The following SMCHD1 variants were observed in gnomAD, a reference collection of about 807,000 sequenced individuals.
SMCHD1 encodes structural maintenance of chromosomes flexible hinge domain containing 1, also known as structural maintenance of chromosomes flexible hinge domain-containing protein 1.
Under a neutral mutation model 254.7 loss-of-function variants are expected in SMCHD1, and 78 were observed. The ratio of observed to expected loss-of-function variants is 0.31; its 90% CI spans 0.26 to 0.37. The LOEUF (loss-of-function observed/expected upper bound fraction) is 0.37, where lower values mean the gene tolerates loss of function less well. SMCHD1 is among the 10% of genes least tolerant of loss of function. The probability of loss-of-function intolerance (pLI) is 1.00; values close to 1 mark genes in which losing one functional copy is unlikely to be tolerated. For missense variants in SMCHD1, 1,840 were observed against 2,408.1 expected, an observed-to-expected ratio of 0.76 and a Z score of 4.94; for synonymous variants, 766 against 794.9, an observed-to-expected ratio of 0.96 and a Z score of 0.61.
intron 39 of SMCHD1, among the ~76,000 whole-genome samples, chr18:2,770,570 C>G (rs957071571): frequency 1.3e-5 from 2 of 152,044 alleles, no homozygotes; most frequent in Middle Eastern, 3.4e-3. Flanking sequence ...GTAAATTATT[C>G]TTGAGTCAAT....
At chr18:2,776,349 G>T (rs1344695747) in intron 42 of SMCHD1, among the ~76,000 whole-genome samples, 1 of 151,948 alleles carries the variant, frequency 6.6e-6, no homozygotes, top group Non-Finnish European at 1.5e-5. Context: ...AGCTTCCCAA[G>T]TAGCTGGGAC....
intron 13 of SMCHD1, among the ~76,000 whole-genome samples, chr18:2,705,368 A>C (rs2074489859): frequency 6.6e-6 from 1 of 152,172 alleles, no homozygotes; most frequent in Non-Finnish European, 1.5e-5. Context: ...TGAGAGCAGA[A>C]TTTTATGGGG....
intron 12 of SMCHD1, among the ~76,000 whole-genome samples, chr18:2,701,443 G>A (rs1598336726): frequency 6.6e-6 from 1 of 152,186 alleles, no homozygotes; most frequent in Non-Finnish European, 1.5e-5. Context: ...TTACAGGCAT[G>A]AGCCATCGCA....
chr18:2,788,894 GC>G (rs553591398), intron 45 of SMCHD1, among the ~76,000 whole-genome samples: 2 of 152,236 alleles, frequency 1.3e-5, no homozygotes, highest in African/African-American at 4.8e-5. Flanking sequence ...ACCTCCCCTG[GC>G]CAAATTAATA....
At chr18:2,799,414 T>C (rs2076320230) in intron 47 of SMCHD1, among the ~76,000 whole-genome samples, 2 of 152,190 alleles carry the variant, frequency 1.3e-5, no homozygotes, top group African/African-American at 4.8e-5. Context: ...CGTAAAATCT[T>C]GTATCCTATG....
rs1477511065 is a variant in SMCHD1, at chr18:2,666,298, T to C, written c.262+66T>C. On this transcript the variant is annotated intron_variant, in intron 2 of 47. Coordinates refer to ENST00000320876, the MANE Select transcript of SMCHD1 (RefSeq NM_015295.3). Reference sequence around the variant, plus strand: ...ATAAGGTTTAGTACATATATAGCAATAACTTTTATTAGATATGCATCTAAA... The same window carrying C: ...ATAAGGTTTAGTACATATATAGCAACAACTTTTATTAGATATGCATCTAAA... 8 of 712,222 alleles carry C rather than the reference T, an allele frequency of 1.1e-5. No homozygotes were observed. In the East Asian group the frequency reaches 2.3e-4, roughly 21 times the overall value. The allele number at this position is 712,222 out of a possible 1,614,324, so 44.1% of individuals were successfully genotyped here.
intron 37 of SMCHD1, among the ~76,000 whole-genome samples, chr18:2,767,392 GT>G (rs2075887016): frequency 6.6e-6 from 1 of 152,108 alleles, no homozygotes; most frequent in South Asian, 2.1e-4. Flanking sequence ...GAAAAAAAAA[GT>G]TTTTAAGGTA....
At chr18:2,664,169 A>G (rs2073372722) in intron 1 of SMCHD1, among the ~76,000 whole-genome samples, 2 of 152,186 alleles carry the variant, frequency 1.3e-5, no homozygotes, top group South Asian at 4.1e-4. Flanking sequence ...TATTTAAGGC[A>G]TATTCTAGGT....
At chr18:2,724,808 A>C in intron 20 of SMCHD1, 91 bp from the exon 21 acceptor site, 1 of 493,694 alleles carries the variant, frequency 2.0e-6, no homozygotes, top group East Asian at 3.2e-5. Flanking sequence ...AGAAAACTAG[A>C]CATGCCAATG....
At chr18:2,744,007 A>G in intron 29 of SMCHD1, 79 bp downstream of exon 29, 2 of 1,251,642 alleles carry the variant, frequency 1.6e-6, no homozygotes, top group Non-Finnish European at 2.2e-6. Context: ...GAATCAGAAT[A>G]GATATATTTT....
chr18:2,662,413 A>G (rs1004825830), intron 1 of SMCHD1, among the ~76,000 whole-genome samples: 1 of 151,842 alleles, frequency 6.6e-6, no homozygotes, highest in African/African-American at 2.4e-5. Flanking sequence ...TGGGAGGCCA[A>G]GGCAGGGAGA....
chr18:2,689,066 G>A (rs1386428771), intron 7 of SMCHD1, among the ~76,000 whole-genome samples: 1 of 152,062 alleles, frequency 6.6e-6, no homozygotes, highest in African/African-American at 2.4e-5. Context: ...TGGACCTCTA[G>A]AGAAATAAAT....
intron 41 of SMCHD1, among the ~76,000 whole-genome samples, chr18:2,775,012 A>G (rs2076042734): frequency 6.7e-6 from 1 of 148,892 alleles, no homozygotes; most frequent in Non-Finnish European, 1.5e-5. Flanking sequence ...ATTTGTAATT[A>G]TTTATTTATT....
At chr18:2,679,937 T>G (rs1238030176) in intron 5 of SMCHD1, among the ~76,000 whole-genome samples, 1 of 152,154 alleles carries the variant, frequency 6.6e-6, no homozygotes, top group Non-Finnish European at 1.5e-5. Flanking sequence ...TCAGCCTACC[T>G]TCAAGTTTAT....
Position 2,664,839 on chromosome 18 carries a change from C to T in SMCHD1, c.187-1318C>T, listed in dbSNP as rs1298712541. Among the ~76,000 whole-genome samples the T allele has an allele frequency of 2.0e-5, 3 of 152,214 alleles. No homozygotes were observed. In the East Asian group the frequency reaches 5.8e-4, roughly 29 times the overall value. ...AACAACTTTGCCTCATCAGCCAGAG[C>T]TATTTTGGTTATCCTGAAGTACCAT... On this transcript the variant is annotated intron_variant, in intron 1 of 47. Coordinates refer to ENST00000320876, the MANE Select transcript of SMCHD1 (RefSeq NM_015295.3).
At chr18:2,794,535 C>G (rs149034790) in intron 45 of SMCHD1, among the ~76,000 whole-genome samples, 5 of 152,074 alleles carry the variant, frequency 3.3e-5, no homozygotes, top group Non-Finnish European at 7.4e-5. Flanking sequence ...CTGAATAAAC[C>G]ATTCTTGGCC....
rs300285 is a variant in SMCHD1 at position 2,760,357 on chromosome 18, G to A, written c.4347-295G>A. 194,993 of 201,014 alleles carry A rather than the reference G, an allele frequency of 0.97. 94,660 individuals are homozygous for A. Among genetic ancestry groups the A allele is most frequent in the East Asian group, 1 (8,385 of 8,386 alleles). The allele number at this position is 201,014 out of a possible 1,614,324, so 12.5% of individuals were successfully genotyped here. ...AAATGAAGCAAAATTTACTTGACAT[G>A]TAATTCAGCATTTTTTACGTATTTA... On this transcript the variant is annotated intron_variant, in intron 34 of 47. Coordinates refer to ENST00000320876, the MANE Select transcript of SMCHD1 (RefSeq NM_015295.3).
intron 41 of SMCHD1, among the ~76,000 whole-genome samples, chr18:2,773,393 T>G (rs2076015209): frequency 6.6e-6 from 1 of 152,212 alleles, no homozygotes; most frequent in Admixed American, 6.5e-5. Flanking sequence ...TTTACCAACA[T>G]ATAAATTTTA....
chr18:2,772,398 AG>A (rs1406129756), intron 41 of SMCHD1, 26 bp downstream of exon 41: 1 of 1,512,856 alleles, frequency 6.6e-7, no homozygotes, highest in Non-Finnish European at 8.8e-7. Flanking sequence ...GCCTTTTGAA[AG>A]GCAGTACATT....
Sources: allele counts gnomAD v4.1 joint callset (sites outside exome capture counted in the v4.1 genomes callset), GRCh38; gene constraint gnomAD v4.1.1; transcripts MANE v1.5; gene names NCBI Gene and HGNC (gene_info 2026-07-23, HGNC 2026-07-21).